The following LUC7L3 variants were observed in gnomAD, a reference collection of about 807,000 sequenced individuals.
The protein encoded by LUC7L3 is luc7-like protein 3.
A neutral mutation model predicts 66.8 loss-of-function variants in LUC7L3; 6 were observed. The ratio of observed to expected loss-of-function variants is 0.09; its 90% confidence interval spans 0.05 to 0.18. The LOEUF is 0.18. LUC7L3 is among the 10% of genes least tolerant of loss of function. The pLI is 1.00. For missense variants in LUC7L3, 341 were observed against 531.1 expected, an observed-to-expected ratio of 0.64 and a Z score of 3.52; for synonymous variants, 160 against 174.7, an observed-to-expected ratio of 0.92 and a Z score of 0.66.
rs902109333 is a variant in LUC7L3 at position 50,754,112 on chromosome 17, T to C, written c.*3451T>C. On this transcript the variant is annotated 3_prime_UTR_variant, in exon 10 of 10. Coordinates refer to ENST00000505658, the MANE Select transcript of LUC7L3 (RefSeq NM_016424.5). Reference sequence around the variant, plus strand: ...CTAGAAGAAACAAACATTTCTGCCATGCAGACCAAAAAGTTATTAGTTGGT... The same window carrying C: ...CTAGAAGAAACAAACATTTCTGCCACGCAGACCAAAAAGTTATTAGTTGGT... The C allele has an allele frequency of 6.6e-6, 1 of 152,164 alleles. No homozygotes were observed. 9.4% of individuals were successfully genotyped at this position (152,164 alleles called of 1,614,324 possible).
rs766268229 is a variant in LUC7L3 at position 50,751,877 on chromosome 17, C to A, written c.*1216C>A. On this transcript the variant is annotated 3_prime_UTR_variant, in exon 10 of 10. Coordinates refer to ENST00000505658, the MANE Select transcript of LUC7L3 (RefSeq NM_016424.5). ...TAGGTACTGTAAGTGTTCTTAAAACCTGTAAACTTCATTCTGTGGGCTAGT... is the reference window on the plus strand; with the variant it reads ...TAGGTACTGTAAGTGTTCTTAAAACATGTAAACTTCATTCTGTGGGCTAGT... 3.9e-6 allele frequency: 4 copies of A among 1,014,546 alleles called. No individual in the cohort carries two copies. The highest frequency in any genetic ancestry group is 1.7e-5 in the African/African-American group (1 of 57,564). 62.8% of individuals were successfully genotyped at this position (1,014,546 alleles called of 1,614,324 possible).
intron 7 of LUC7L3, 38 bp downstream of exon 7, chr17:50,744,851 C>G: frequency 1.3e-6 from 2 of 1,574,838 alleles, no homozygotes; most frequent in African/African-American, 1.4e-5. Flanking sequence ...GATTCTTGCT[C>G]TGTCACCTAG....
At chr17:50,747,672 T>C (rs1422531907) in intron 9 of LUC7L3, among the ~76,000 whole-genome samples, 1 of 152,230 alleles carries the variant, frequency 6.6e-6, no homozygotes, top group Non-Finnish European at 1.5e-5. Flanking sequence ...TTTTTTGTTT[T>C]CGTTTTTCCT....
chr17:50,737,539 C>CT (rs1448325897), intron 2 of LUC7L3: 1 of 252,476 alleles, frequency 4.0e-6, no homozygotes, highest in African/African-American at 2.3e-5. Flanking sequence ...AGTCTGTAGT[C>CT]TAGTTCAGGG....
chr17:50,719,613 C>T lies in LUC7L3; in HGVS notation c.-120C>T. On this transcript the variant is annotated 5_prime_UTR_variant, in exon 1 of 10. Coordinates refer to ENST00000505658, the MANE Select transcript of LUC7L3 (RefSeq NM_016424.5). ...CGCGGCGGCCATTTTGTCTTGTCGG[C>T]TCCTGTGTGTAGGAGGGATTTCGGC... The T allele has an allele frequency of 1.3e-6, 1 of 759,184 alleles. No individual in the cohort carries two copies. The highest frequency in any genetic ancestry group is 1.8e-5 in the South Asian group (1 of 55,646). The allele number at this position is 759,184 out of a possible 1,614,324, so 47.0% of individuals were successfully genotyped here. A position where few individuals can be genotyped will look rare whatever the true frequency, so the allele number is the denominator to read the frequency against.
intron 1 of LUC7L3, among the ~76,000 whole-genome samples, chr17:50,724,437 T>C (rs796469220): frequency 8.5e-5 from 13 of 152,064 alleles, no homozygotes; most frequent in African/African-American, 3.1e-4. Flanking sequence ...AGGAGGATCC[T>C]TTCAACCCAG....
chr17:50,751,044 A>G lies in LUC7L3; in HGVS notation c.*383A>G. 1 of 1,400,328 alleles carries G rather than the reference A, an allele frequency of 7.1e-7. No individual in the cohort carries two copies. Among genetic ancestry groups the G allele is most frequent in the Non-Finnish European group, 9.2e-7 (1 of 1,086,244 alleles). 86.7% of individuals were successfully genotyped at this position (1,400,328 alleles called of 1,614,324 possible). On this transcript the variant is annotated 3_prime_UTR_variant, in exon 10 of 10. Transcript: ENST00000505658. ...AACTGTTTTTTTTTTTCTTTTTGGT[A>G]TTAAGTCCATCTTGTGTTGGTACAT...
intron 8 of LUC7L3, among the ~76,000 whole-genome samples, chr17:50,746,319 A>AAT (rs1420008317): frequency 6.6e-6 from 1 of 152,238 alleles, no homozygotes; most frequent in Admixed American, 6.5e-5. Context: ...AATTATAATT[A>AAT]CAAATTGAAG....
intron 9 of LUC7L3, among the ~76,000 whole-genome samples, chr17:50,747,683 CTA>C (rs1970765474): frequency 6.6e-6 from 1 of 152,174 alleles, no homozygotes; most frequent in Non-Finnish European, 1.5e-5. Flanking sequence ...CGTTTTTCCT[CTA>C]GACTCAGCTA....
intron 1 of LUC7L3, among the ~76,000 whole-genome samples, chr17:50,729,862 A>C (rs1969441194): frequency 7.2e-6 from 1 of 138,136 alleles, no homozygotes; most frequent in Admixed American, 7.5e-5. Context: ...GCCAGTGTTT[A>C]GATAATCAGA....
intron 2 of LUC7L3, among the ~76,000 whole-genome samples, chr17:50,738,930 T>C (rs886222078): frequency 6.6e-6 from 1 of 152,074 alleles, no homozygotes; most frequent in Admixed American, 6.5e-5. Context: ...CACAGAATTA[T>C]GAATCAGAAT....
chr17:50,741,040 A>G (rs969702443), intron 3 of LUC7L3, 62 bp from the exon 4 acceptor site: 1 of 1,523,554 alleles, frequency 6.6e-7, no homozygotes, highest in African/African-American at 1.4e-5. Flanking sequence ...TTAAGATAGA[A>G]TATTTGAGTT....
chr17:50,737,405 C>A, intron 2 of LUC7L3: 1 of 445,046 alleles, frequency 2.2e-6, no homozygotes, highest in Non-Finnish European at 4.4e-6. Context: ...TAAAAGCCTG[C>A]AGAAGGGGAT....
chr17:50,741,809 G>T (rs1970364111), intron 5 of LUC7L3, 78 bp downstream of exon 5: 9 of 1,097,266 alleles, frequency 8.2e-6, no homozygotes, highest in Non-Finnish European at 1.1e-5. Context: ...GATGGGCCAG[G>T]CATGGTAACT....
At chr17:50,729,479 C>G (rs535560001) in intron 1 of LUC7L3, among the ~76,000 whole-genome samples, 6 of 152,078 alleles carry the variant, frequency 3.9e-5, no homozygotes, top group Non-Finnish European at 8.8e-5. Flanking sequence ...TATTCCAGTT[C>G]AGGGTGGTGG....
chr17:50,726,159 C>CTT (rs35439759), intron 1 of LUC7L3, among the ~76,000 whole-genome samples: 86,721 of 151,784 alleles, frequency 0.57, 25,657 homozygotes, highest in African/African-American at 0.72. Flanking sequence ...ACCGTATAAA[C>CTT]TTGTTGTTTT....
At chr17:50,736,545 T>A (rs1969997428) in intron 1 of LUC7L3, 1 of 164,796 alleles carries the variant, frequency 6.1e-6, no homozygotes, top group Admixed American at 6.2e-5. Flanking sequence ...TTGCTTTAAA[T>A]GAGTGTTAAC....
intron 1 of LUC7L3, among the ~76,000 whole-genome samples, chr17:50,729,062 A>G (rs1969397942): frequency 6.6e-6 from 1 of 152,248 alleles, no homozygotes; most frequent in Non-Finnish European, 1.5e-5. Context: ...ACTAGTTAAT[A>G]TAAAGAAGAG....
chr17:50,731,663 G>A (rs968175716), intron 1 of LUC7L3, among the ~76,000 whole-genome samples: 1 of 152,194 alleles, frequency 6.6e-6, no homozygotes, highest in Non-Finnish European at 1.5e-5. Flanking sequence ...AAATGGTAAA[G>A]CAGGAGAGTT....
Sources: allele counts gnomAD v4.1 joint callset (sites outside exome capture counted in the v4.1 genomes callset), GRCh38; gene constraint gnomAD v4.1.1; transcripts MANE v1.5; gene names NCBI Gene and HGNC (gene_info 2026-07-23, HGNC 2026-07-21).